The following ZNF469 variants were observed in gnomAD, a reference collection of about 807,000 sequenced individuals.
ZNF469 encodes zinc finger protein 469.
A neutral mutation model predicts 1.0 loss-of-function variants in ZNF469; 1 was observed. The observed-to-expected ratio is 1.00, with a 90% confidence interval of 0.35 to 4.73. The LOEUF is 4.73. Ranked by LOEUF, ZNF469 falls within the 30% of genes most tolerant of loss-of-function variation. The pLI is 0.16. For synonymous variants in ZNF469, 2,703 were observed against 2,363.4 expected (o/e 1.14, Z -4.17); for missense variants, 6,100 against 5,356.3 (o/e 1.14, Z -4.33).
At chr16:88,235,856 T>C in the ZNF469 span, among the ~76,000 whole-genome samples, 4,754 of 152,232 alleles carry the variant, frequency 0.031, 244 homozygotes, top group African/African-American at 0.11. Context: ...TCATACACTA[T>C]GGGGACAGGA....
the ZNF469 span, among the ~76,000 whole-genome samples, chr16:88,147,940 T>C: frequency 6.6e-6 from 1 of 152,030 alleles, no homozygotes; most frequent in Non-Finnish European, 1.5e-5. Flanking sequence ...CCTTCGTCGT[T>C]GTGTGTACAC....
At position 88,427,538 on chromosome 16, in the gene ZNF469, T is replaced by C. The variant is rs1313991202; in HGVS notation, c.68T>C (p.Val23Ala). ...ACTGGAGACCTGCAGCCCCGCCAAG[T>C]TGCCAGCAGCCCGGGGCACCCCTCC... ...TMTGDLQPRQ[V>A]ASSPGHPSQP... The change falls in exon 3 of 3, where the codon GTT becomes GCT. Residue 23 changes from valine to alanine, a missense_variant. By Grantham distance (64) the Val-to-Ala change is moderately conservative. Transcript: ENST00000565624. 6 of 1,536,026 alleles carry C rather than the reference T, an allele frequency of 3.9e-6. No homozygotes were observed. The African/African-American group carries it at 8.2e-5, about 21-fold the overall frequency.
At chr16:88,260,800 G>C in the ZNF469 span, among the ~76,000 whole-genome samples, 37 of 152,168 alleles carry the variant, frequency 2.4e-4, no homozygotes, top group African/African-American at 8.9e-4. The surrounding 1 kb of genome is among the most constrained non-coding windows in gnomAD (Gnocchi z 4.1). Context: ...ATTGAACTGA[G>C]GATCTTGAGA....
chr16:88,135,302 G>A, the ZNF469 span, among the ~76,000 whole-genome samples: 17 of 152,360 alleles, frequency 1.1e-4, no homozygotes, highest in Non-Finnish European at 1.6e-4. Flanking sequence ...ATCATTTGTC[G>A]TCTGCTTTGT....
At chr16:88,144,537 T>C in the ZNF469 span, among the ~76,000 whole-genome samples, 1 of 152,176 alleles carries the variant, frequency 6.6e-6, no homozygotes, top group Admixed American at 6.5e-5. Context: ...GAGGCACATT[T>C]TTCTATTTTC....
At chr16:88,109,418 C>T in the ZNF469 span, among the ~76,000 whole-genome samples, 2 of 152,272 alleles carry the variant, frequency 1.3e-5, no homozygotes, top group Non-Finnish European at 2.9e-5. Context: ...CATGAGGCTT[C>T]TCCCCGGCAG....
At chr16:88,318,621 C>T in the ZNF469 span, among the ~76,000 whole-genome samples, 2 of 152,384 alleles carry the variant, frequency 1.3e-5, no homozygotes, top group East Asian at 1.9e-4. Flanking sequence ...GAAGTAAGAA[C>T]TCCTGGCGTG....
the ZNF469 span, among the ~76,000 whole-genome samples, chr16:88,174,472 G>GTCTATCTA: frequency 8.9e-6 from 1 of 112,650 alleles, no homozygotes; most frequent in African/African-American, 3.8e-5. Context: ...TCGTCTGTCT[G>GTCTATCTA]TCTGTCTATC....
intron 1 of ZNF469, among the ~76,000 whole-genome samples, chr16:88,391,391 C>G (rs931297979): frequency 4.6e-5 from 7 of 152,242 alleles, no homozygotes; most frequent in African/African-American, 1.7e-4. Flanking sequence ...TTCCCCAGGT[C>G]CCAGCATCCA....
chr16:88,317,341 C>T, the ZNF469 span, among the ~76,000 whole-genome samples: 25 of 152,362 alleles, frequency 1.6e-4, no homozygotes, highest in African/African-American at 4.1e-4. Context: ...CAGCACCTCA[C>T]CTGTTCCATT....
chr16:88,260,037 GTAA>G, the ZNF469 span, among the ~76,000 whole-genome samples: 20 of 151,976 alleles, frequency 1.3e-4, no homozygotes, highest in Non-Finnish European at 1.9e-4. This position sits in a 1 kb window ranked among gnomAD's most constrained non-coding sequence, Gnocchi z 4.1. Flanking sequence ...GAGTGCAGTG[GTAA>G]GATCTTGGCT....
At chr16:88,285,534 G>C in the ZNF469 span, among the ~76,000 whole-genome samples, 3 of 152,266 alleles carry the variant, frequency 2.0e-5, no homozygotes, top group African/African-American at 7.2e-5. Context: ...GTCACGAGGT[G>C]AGGCCTTTCC....
At chr16:88,185,593 T>C in the ZNF469 span, among the ~76,000 whole-genome samples, 1 of 151,632 alleles carries the variant, frequency 6.6e-6, no homozygotes. Context: ...CACACATGCA[T>C]ACACATGTGC....
chr16:88,232,339 G>A, the ZNF469 span, among the ~76,000 whole-genome samples: 4 of 152,150 alleles, frequency 2.6e-5, no homozygotes, highest in Admixed American at 1.3e-4. Context: ...ACCCAATACG[G>A]CTGGTCAATG....
intron 1 of ZNF469, among the ~76,000 whole-genome samples, chr16:88,404,907 CCAAA>C (rs1483515581): frequency 6.6e-6 from 1 of 152,166 alleles, no homozygotes; most frequent in African/African-American, 2.4e-5. Flanking sequence ...GAACGCAACT[CCAAA>C]CAGACTTAGC....
rs1204164261 is a variant in ZNF469, at chr16:88,430,093, G to A, written c.2623G>A (p.Gly875Ser). 6.5e-6 allele frequency: 10 copies of A among 1,542,306 alleles called. No homozygotes were observed. Among genetic ancestry groups the A allele is most frequent in the Admixed American group, 2.0e-5 (1 of 50,510 alleles). ...CGTCTTCGCGGACGAGGAGCCTTCC[G>A]GCCCCAGAGGTCCCAGCTCCGGACA... is the stretch of plus-strand genomic sequence containing the variant. ...IDVFADEEPS[G>S]PRGPSSGHPL... The change falls in exon 3 of 3, where the codon GGC (glycine) becomes AGC (serine). Residue 875 changes from glycine (G) to serine (S), a missense_variant. Transcript: ENST00000565624.
At chr16:88,177,458 A>G in the ZNF469 span, 1 of 150,678 alleles carries the variant, frequency 6.6e-6, no homozygotes, top group Non-Finnish European at 1.5e-5. This position sits in a 1 kb window ranked among gnomAD's most constrained non-coding sequence, Gnocchi z 4.8. Context: ...TGAAATCAGG[A>G]TATTAGTTAT....
At chr16:88,316,522 T>C in the ZNF469 span, among the ~76,000 whole-genome samples, 2 of 149,924 alleles carry the variant, frequency 1.3e-5, no homozygotes, top group Non-Finnish European at 3.0e-5. Context: ...GCTTGGCTGG[T>C]GAGCACTGAG....
the ZNF469 span, among the ~76,000 whole-genome samples, chr16:88,294,313 T>C: frequency 2.0e-5 from 3 of 152,316 alleles, no homozygotes; most frequent in South Asian, 6.2e-4. Flanking sequence ...CCCTGTGCAC[T>C]TCTAACACAC....
Sources: allele counts gnomAD v4.1 joint callset (sites outside exome capture counted in the v4.1 genomes callset), GRCh38; gene constraint gnomAD v4.1.1; non-coding constraint Gnocchi (gnomAD v3.1); transcripts MANE v1.5; gene names NCBI Gene and HGNC (gene_info 2026-07-23, HGNC 2026-07-21).